Variants in STK32B observed in about 807,000 individuals in gnomAD.
The protein encoded by STK32B is serine/threonine kinase 32B.
STK32B carries 43 observed loss-of-function variants against 52.6 expected under a neutral mutation model. The observed-to-expected ratio is 0.82, with a 90% CI of 0.64 to 1.05. The LOEUF (loss-of-function observed/expected upper bound fraction) is 1.05. Among genes scored for constraint, STK32B ranks in the 50% least tolerant of loss-of-function variants. STK32B has a pLI of 0.00. For missense variants in STK32B, 621 were observed against 534.6 expected, an observed-to-expected ratio of 1.16 and a Z score of -1.59; for synonymous variants, 238 against 204.3, an observed-to-expected ratio of 1.17 and a Z score of -1.41.
In STK32B at chr4:5,498,957, G is replaced by T; in HGVS notation, c.1119G>T (p.Gln373His). 1 of 1,612,336 alleles carries T rather than the reference G, an allele frequency of 6.2e-7. No homozygotes were observed. The highest frequency in any genetic ancestry group is 8.5e-7 in the Non-Finnish European group (1 of 1,179,014). Reference sequence around the variant, plus strand: ...TGCTTGTTTGCAGGCTCAGGAGGCAGCAGGGACAGGGCAGCCAGCTCTTGG... The same window carrying T: ...TGCTTGTTTGCAGGCTCAGGAGGCATCAGGGACAGGGCAGCCAGCTCTTGG... ...IIFNREKLRR[Q>H]QGQGSQLLDT... The change falls in exon 12 of 12, where the codon CAG (glutamine) becomes CAT (histidine). Residue 373 changes from glutamine to histidine, a missense_variant. Gln to His is a conservative substitution (Grantham distance 24, BLOSUM62 0). Transcript: ENST00000282908.
At chr4:5,473,033 C>T (rs1717961261) in intron 11 of STK32B, among the ~76,000 whole-genome samples, 2 of 152,090 alleles carry the variant, frequency 1.3e-5, no homozygotes, top group South Asian at 4.1e-4. Context: ...CAAAATCACC[C>T]CCAGTTGAGA....
In STK32B at chr4:5,396,024, C is replaced by T. The variant is rs60599180; in HGVS notation, c.435-2183C>T. On this transcript the variant is annotated intron_variant, in intron 4 of 11. Coordinates refer to ENST00000282908, the MANE Select transcript of STK32B (RefSeq NM_018401.3). The surrounding 1 kb of genome is among the most constrained non-coding windows in gnomAD (Gnocchi z 4.7). ...TGTCATTAATGGGGCCCTAGCTGCC[C>T]TTTGAGGTTTGCCCTCAACTCTATC... Among the ~76,000 whole-genome samples the T allele has an allele frequency of 0.011, 1,653 of 152,352 alleles. 26 individuals are homozygous for T. Among genetic ancestry groups the T allele is most frequent in the African/African-American group, 0.037 (1,543 of 41,570 alleles).
At chr4:5,044,300 A>C in the STK32B span, among the ~76,000 whole-genome samples, 1 of 152,138 alleles carries the variant, frequency 6.6e-6, no homozygotes, top group East Asian at 1.9e-4. Context: ...CAATATGCTC[A>C]GGACTCCCAA....
chr4:5,438,769 CA>C (rs1366007853), intron 6 of STK32B, among the ~76,000 whole-genome samples: 1 of 152,204 alleles, frequency 6.6e-6, no homozygotes. Context: ...CACCCCACAA[CA>C]GTTCCCAGAG....
intron 3 of STK32B, among the ~76,000 whole-genome samples, chr4:5,169,715 C>T (rs555139759): frequency 6.6e-6 from 1 of 151,334 alleles, no homozygotes. Context: ...AGAAATAAAC[C>T]CCGTCATGTT....
At chr4:5,358,645 A>G (rs1734330726) in intron 4 of STK32B, among the ~76,000 whole-genome samples, 1 of 152,168 alleles carries the variant, frequency 6.6e-6, no homozygotes, top group Admixed American at 6.6e-5. Context: ...TGATAATAGC[A>G]GATAGCATAT....
In STK32B at chr4:5,439,295, C is replaced by G. The variant is rs563161449; in HGVS notation, c.563-7378C>G. 4.3e-3 allele frequency among the ~76,000 whole-genome samples: 656 copies of G among 151,612 alleles called. 8 individuals are homozygous for G. Among genetic ancestry groups the G allele is most frequent in the African/African-American group, 0.015 (629 of 41,356 alleles). On this transcript the variant is annotated intron_variant, in intron 6 of 11. Coordinates refer to ENST00000282908, the MANE Select transcript of STK32B (RefSeq NM_018401.3). Reference sequence around the variant, plus strand: ...TCCTGACTTTTTAATGATTGCCATTCTAACTGGTGTGAGATGGTATTTCAT... The same window carrying G: ...TCCTGACTTTTTAATGATTGCCATTGTAACTGGTGTGAGATGGTATTTCAT...
intron 1 of STK32B, among the ~76,000 whole-genome samples, chr4:5,088,892 AAAG>A (rs140232105): frequency 0.021 from 3,201 of 151,740 alleles, 124 homozygotes; most frequent in African/African-American, 0.072. Context: ...GAATCTAGAC[AAAG>A]AAGAACAAAC....
chr4:5,451,058 C>T (rs1715947250), intron 7 of STK32B, among the ~76,000 whole-genome samples: 1 of 152,186 alleles, frequency 6.6e-6, no homozygotes, highest in South Asian at 2.1e-4. Flanking sequence ...TTATCAGGCC[C>T]ACCTGCAGGG....
intron 3 of STK32B, among the ~76,000 whole-genome samples, chr4:5,230,549 A>G (rs1724195095): frequency 6.6e-6 from 1 of 152,108 alleles, no homozygotes; most frequent in Admixed American, 6.5e-5. Context: ...ACTCCACTCT[A>G]TACTCACGAG....
At chr4:5,486,615 C>T (rs1435798822) in intron 11 of STK32B, among the ~76,000 whole-genome samples, 2 of 152,220 alleles carry the variant, frequency 1.3e-5, no homozygotes, top group African/African-American at 2.4e-5. Context: ...CAACACTCCC[C>T]AGTGAGATGA....
At chr4:5,179,075 A>G (rs537576036) in intron 3 of STK32B, among the ~76,000 whole-genome samples, 70 of 152,366 alleles carry the variant, frequency 4.6e-4, no homozygotes, top group Non-Finnish European at 7.8e-4. Flanking sequence ...AAGAGGTTTA[A>G]CTTACTCTCA....
At chr4:5,219,057 GT>G (rs1399670728) in intron 3 of STK32B, among the ~76,000 whole-genome samples, 1 of 152,238 alleles carries the variant, frequency 6.6e-6, no homozygotes, top group African/African-American at 2.4e-5. Flanking sequence ...TCCATTGATG[GT>G]GGACCTCACT....
At chr4:5,140,092 A>G in intron 2 of STK32B, 132 bp downstream of exon 2, 2 of 1,459,534 alleles carry the variant, frequency 1.4e-6, no homozygotes, top group Admixed American at 1.7e-5. Flanking sequence ...TGAAATGTGA[A>G]AGGAAGTCTG....
At chr4:5,205,700 G>A (rs1277692704) in intron 3 of STK32B, among the ~76,000 whole-genome samples, 4 of 72,036 alleles carry the variant, frequency 5.6e-5, no homozygotes, top group African/African-American at 1.3e-4. Flanking sequence ...CCAGGCGCGC[G>A]CGCGTGTGTG....
At chr4:5,141,807 T>G (rs1369998555) in intron 2 of STK32B, among the ~76,000 whole-genome samples, 1 of 152,138 alleles carries the variant, frequency 6.6e-6, no homozygotes, top group Admixed American at 6.5e-5. Context: ...CTGGACACTT[T>G]TCACCCACCC....
intron 3 of STK32B, among the ~76,000 whole-genome samples, chr4:5,277,631 CTA>C (rs1727913640): frequency 6.6e-6 from 1 of 151,964 alleles, no homozygotes; most frequent in Admixed American, 6.6e-5. Context: ...GTTTTACTCA[CTA>C]AAAAAAACTA....
chr4:5,389,428 C>T (rs1023481656), intron 4 of STK32B, among the ~76,000 whole-genome samples: 1 of 151,984 alleles, frequency 6.6e-6, no homozygotes, highest in Non-Finnish European at 1.5e-5. Flanking sequence ...TGAGGCCTTA[C>T]TCCTTGGCTT....
At chr4:5,289,497 A>G (rs1159829027) in intron 3 of STK32B, among the ~76,000 whole-genome samples, 4 of 152,038 alleles carry the variant, frequency 2.6e-5, no homozygotes, top group Non-Finnish European at 5.9e-5. Flanking sequence ...CAATAAATAT[A>G]TAAATATATA....
Sources: allele counts gnomAD v4.1 joint callset (sites outside exome capture counted in the v4.1 genomes callset), GRCh38; gene constraint gnomAD v4.1.1; non-coding constraint Gnocchi (gnomAD v3.1); transcripts MANE v1.5; gene names NCBI Gene and HGNC (gene_info 2026-07-23, HGNC 2026-07-21).